MTUS2: variants seen among roughly 807,000 people sequenced by gnomAD.
MTUS2 encodes microtubule-associated tumor suppressor candidate 2.
A neutral mutation model predicts 114.1 loss-of-function variants in MTUS2; 40 were observed. That is an observed-to-expected ratio of 0.35 (90% CI 0.27 to 0.46). The LOEUF is 0.46. MTUS2 is among the 20% of genes least tolerant of loss of function. MTUS2 has a pLI of 1.00. For missense variants in MTUS2, 1,679 were observed against 1,705.4 expected (o/e 0.98, Z 0.27); for synonymous variants, 688 against 672.0 (o/e 1.02, Z -0.37).
At chr13:28,875,973 T>G (rs1370237033) in intron 2 of MTUS2, among the ~76,000 whole-genome samples, 2 of 152,256 alleles carry the variant, frequency 1.3e-5, no homozygotes, top group African/African-American at 4.8e-5. Context: ...AGGGCCAAAT[T>G]CCTGCAGCTG....
chr13:29,460,623 C>A (rs1182234793), intron 9 of MTUS2, among the ~76,000 whole-genome samples: 3 of 152,146 alleles, frequency 2.0e-5, no homozygotes, highest in Non-Finnish European at 4.4e-5. Context: ...TCATTCCCAG[C>A]AACAATGAGT....
At chr13:28,876,556 TTGAAAGC>T (rs909464232) in intron 2 of MTUS2, among the ~76,000 whole-genome samples, 1 of 152,198 alleles carries the variant, frequency 6.6e-6, no homozygotes. Flanking sequence ...GAGTTGTTTC[TTGAAAGC>T]TGCAGAAGAT....
At chr13:29,444,995 C>T (rs1222648680) in intron 9 of MTUS2, among the ~76,000 whole-genome samples, 1 of 152,130 alleles carries the variant, frequency 6.6e-6, no homozygotes, top group Non-Finnish European at 1.5e-5. Context: ...GAAAGTAATC[C>T]CCAGTACATT....
chr13:28,855,840 G>A (rs1177476371), intron 2 of MTUS2, among the ~76,000 whole-genome samples: 1 of 152,106 alleles, frequency 6.6e-6, no homozygotes, highest in Non-Finnish European at 1.5e-5. Flanking sequence ...GTCTTTGAGG[G>A]ATCACCATCC....
intron 5 of MTUS2, among the ~76,000 whole-genome samples, chr13:29,237,071 G>T (rs893420814): frequency 2.6e-5 from 4 of 152,286 alleles, no homozygotes; most frequent in Non-Finnish European, 5.9e-5. Context: ...TAAGAGTTGT[G>T]TAGAAGACCA....
intron 2 of MTUS2, among the ~76,000 whole-genome samples, chr13:28,864,498 A>G (rs1045054964): frequency 6.6e-6 from 1 of 152,214 alleles, no homozygotes; most frequent in African/African-American, 2.4e-5. Flanking sequence ...ACAAATTTCA[A>G]ACAAGTCATA....
chr13:29,322,084 G>T (rs1353054152), intron 6 of MTUS2, among the ~76,000 whole-genome samples: 1 of 152,156 alleles, frequency 6.6e-6, no homozygotes, highest in Admixed American at 6.5e-5. Context: ...ATTTATAGAA[G>T]TGGAATTGCA....
chr13:29,292,349 T>G (rs1353011119), intron 6 of MTUS2, among the ~76,000 whole-genome samples: 3 of 152,232 alleles, frequency 2.0e-5, no homozygotes, highest in East Asian at 1.9e-4. Context: ...TTGGGCTGTT[T>G]CCTTTAACCT....
Position 29,294,854 on chromosome 13 carries a change from T to C in MTUS2, c.2806+12989T>C, listed in dbSNP as rs4631992. Among the ~76,000 whole-genome samples the C allele has an allele frequency of 1.8e-3, 281 of 152,328 alleles. 1 individual carries two copies. Among genetic ancestry groups the C allele is most frequent in the African/African-American group, 6.5e-3 (269 of 41,574 alleles). On this transcript the variant is annotated intron_variant, in intron 6 of 15. Coordinates refer to ENST00000612955, the MANE Select transcript of MTUS2 (RefSeq NM_001033602.4). ...GTGTAAACTAGGCAAATTGATGCAG[T>C]ATGGCTCAGGACCTTGGGCATGCAA...
At chr13:29,047,171 T>G (rs1887662748) in intron 4 of MTUS2, among the ~76,000 whole-genome samples, 1 of 152,184 alleles carries the variant, frequency 6.6e-6, no homozygotes, top group Non-Finnish European at 1.5e-5. Context: ...AAATCCTGAT[T>G]TGGTGAATGT....
intron 2 of MTUS2, among the ~76,000 whole-genome samples, chr13:28,988,775 A>G (rs1884697380): frequency 6.6e-6 from 1 of 152,186 alleles, no homozygotes. Flanking sequence ...CAGAGGAAGC[A>G]TTTTTATTAA....
chr13:28,912,589 T>C (rs1880506132), intron 2 of MTUS2, among the ~76,000 whole-genome samples: 1 of 152,222 alleles, frequency 6.6e-6, no homozygotes, highest in Admixed American at 6.5e-5. Context: ...ATTGAATCTT[T>C]AAATTACTTT....
chr13:28,851,836 T>G (rs1324925446), intron 2 of MTUS2, among the ~76,000 whole-genome samples: 1 of 152,136 alleles, frequency 6.6e-6, no homozygotes, highest in African/African-American at 2.4e-5. Context: ...CAGCTTGGCC[T>G]GGGGCACCGC....
chr13:29,014,533 A>G (rs183017490), intron 2 of MTUS2, among the ~76,000 whole-genome samples: 2 of 152,334 alleles, frequency 1.3e-5, no homozygotes, highest in East Asian at 1.9e-4. Flanking sequence ...GAGGAAGACA[A>G]TGAACCAATA....
Position 28,860,869 on chromosome 13 carries a change from G to A in MTUS2, c.-243+21019G>A, listed in dbSNP as rs1272416642. On this transcript the variant is annotated intron_variant, in intron 2 of 15. Transcript: ENST00000612955. ...TTTGCATTGTACCTGTTGTAGGGCT[G>A]TGCTGGACACCCGTGGCTTGGCCTG... 5.3e-5 allele frequency among the ~76,000 whole-genome samples: 8 copies of A among 152,302 alleles called. No homozygotes were observed. The East Asian group carries it at 1.5e-3, about 29-fold the overall frequency.
intron 2 of MTUS2, among the ~76,000 whole-genome samples, chr13:28,962,300 T>A (rs1038502311): frequency 6.6e-6 from 1 of 152,066 alleles, no homozygotes; most frequent in Non-Finnish European, 1.5e-5. Context: ...CTCTCCCCTC[T>A]CCCACACTGT....
intron 2 of MTUS2, among the ~76,000 whole-genome samples, chr13:29,000,208 A>T (rs1885321132): frequency 6.6e-6 from 1 of 152,230 alleles, no homozygotes; most frequent in Non-Finnish European, 1.5e-5. Flanking sequence ...TGGTTTCCAT[A>T]GCAGTTATAC....
Position 28,979,350 on chromosome 13 carries a change from A to T in MTUS2, c.-242-45107A>T, listed in dbSNP as rs147630417. ...TTATTTTTCAGAAATCATTGTTATA[A>T]ACAAAAATTATTGAAAATTAACAAT... On this transcript the variant is annotated intron_variant, in intron 2 of 15. Transcript: ENST00000612955. Among the ~76,000 whole-genome samples the T allele has an allele frequency of 5.8e-3, 889 of 152,300 alleles. 7 individuals carry two copies. Among genetic ancestry groups the T allele is most frequent in the African/African-American group, 0.02 (838 of 41,556 alleles).
rs1402411985 is a variant in MTUS2, at chr13:29,503,601, A to G, written c.*395A>G. 3 of 262,662 alleles carry G rather than the reference A, an allele frequency of 1.1e-5. No individual in the cohort carries two copies. The East Asian group carries it at 1.6e-4, about 14-fold the overall frequency. 16.3% of individuals were successfully genotyped at this position (262,662 alleles called of 1,614,324 possible). On this transcript the variant is annotated 3_prime_UTR_variant, in exon 16 of 16. Transcript: ENST00000612955. ...GTATATACACATGCTGCGGTTCTGA[A>G]TTTCATTTTTTATAACATGAAGTGC...
Sources: allele counts gnomAD v4.1 joint callset (sites outside exome capture counted in the v4.1 genomes callset), GRCh38; gene constraint gnomAD v4.1.1; transcripts MANE v1.5; gene names NCBI Gene and HGNC (gene_info 2026-07-23, HGNC 2026-07-21).